Variants in ZNF16 observed in about 807,000 individuals in gnomAD.
ZNF16 encodes the protein zinc finger protein KOX9.
In ZNF16, 7 loss-of-function variants were observed where a neutral mutation model predicts 9.0. That is an observed-to-expected ratio of 0.78 (90% CI 0.44 to 1.47). The LOEUF is 1.47. Ranked by LOEUF, ZNF16 falls within the 40% of genes most tolerant of loss-of-function variation. ZNF16 has a pLI of 0.01. For synonymous variants in ZNF16, 312 were observed against 301.5 expected (o/e 1.03, Z -0.36); for missense variants, 830 against 854.2 (o/e 0.97, Z 0.35).
chr8:144,941,424 G>A (rs1414335539), intron 2 of ZNF16, among the ~76,000 whole-genome samples: 5 of 152,010 alleles, frequency 3.3e-5, no homozygotes, highest in Admixed American at 2.0e-4. Context: ...AACTTATTGT[G>A]TCTTTGAATC....
intron 2 of ZNF16, among the ~76,000 whole-genome samples, chr8:144,935,222 G>A (rs1312427633): frequency 6.6e-6 from 1 of 151,460 alleles, no homozygotes; most frequent in Non-Finnish European, 1.5e-5. Context: ...TTTTTTTGGA[G>A]ACAGAGTTTG....
At position 144,931,576 on chromosome 8, in the gene ZNF16, G is replaced by A. The variant is rs767065173; in HGVS notation, c.1211C>T (p.Pro404Leu). ...CTTGCCACAATCATTACACTCATAAGGCTTCTCTCCAGTGTGGACCCTCTG... is the reference window on the plus strand; with the variant it reads ...CTTGCCACAATCATTACACTCATAAAGCTTCTCTCCAGTGTGGACCCTCTG... Reference protein sequence around the residue: ...KHQRVHTGEKPYECNDCGKPF... With the variant: ...KHQRVHTGEKLYECNDCGKPF... Residue 404 changes from proline (P) to leucine (L), a missense_variant, in exon 3 of 3, where the codon CCT becomes CTT. Pro to Leu is a moderately conservative substitution (Grantham distance 98). Transcript: ENST00000394909. 19 of 1,614,026 alleles carry A rather than the reference G, an allele frequency of 1.2e-5. No individual in the cohort carries two copies. In the African/African-American group the frequency reaches 2.1e-4, roughly 18 times the overall value.
chr8:144,950,303 T>C (rs1478592291), intron 1 of ZNF16: 2 of 152,242 alleles, frequency 1.3e-5, no homozygotes, highest in Non-Finnish European at 2.9e-5. Context: ...CAGAGACCGG[T>C]GCCGGTGCAG....
intron 1 of ZNF16, 162 bp downstream of exon 1, chr8:144,950,635 C>G (rs954065900): frequency 6.6e-6 from 1 of 151,500 alleles, no homozygotes; most frequent in African/African-American, 2.4e-5. Flanking sequence ...CCCCGCCCCC[C>G]CCGCGCTCCC....
Position 144,932,658 on chromosome 8 carries a change from C to T in ZNF16, c.197-68G>A. The T allele has an allele frequency of 6.6e-7, 1 of 1,526,300 alleles. No individual in the cohort carries two copies. Among genetic ancestry groups the T allele is most frequent in the Non-Finnish European group, 8.9e-7 (1 of 1,125,758 alleles). 94.5% of individuals were successfully genotyped at this position (1,526,300 alleles called of 1,614,324 possible). ...GCAGGAGCAGGAACATAGACAGTCA[C>T]AGTTGCACCCACTAACTGTGGAGGA... On this transcript the variant is annotated intron_variant, in intron 2 of 2. Transcript: ENST00000394909. The surrounding 1 kb of genome is among the most constrained non-coding windows in gnomAD (Gnocchi z 5.0).
At position 144,931,014 on chromosome 8, in the gene ZNF16, G is replaced by C; in HGVS notation, c.1773C>G (p.His591Gln). The C allele has an allele frequency of 1.2e-6, 2 of 1,614,208 alleles. No individual in the cohort carries two copies. The highest frequency in any genetic ancestry group is 1.7e-6 in the Non-Finnish European group (2 of 1,180,036). The change falls in exon 3 of 3, where the codon CAC becomes CAG. Residue 591 changes from histidine to glutamine, a missense_variant. Coordinates refer to ENST00000394909, the MANE Select transcript of ZNF16 (RefSeq NM_006958.3). ...AFNRSSNLIHHQKVHTGEKPY... is the reference protein window; with the variant it reads ...AFNRSSNLIHQQKVHTGEKPY... ...GTTTTTCCCCAGTATGAACTTTCTG[G>C]TGGTGAATGAGATTTGAGCTTCGGT...
intron 1 of ZNF16, among the ~76,000 whole-genome samples, chr8:144,949,900 G>A (rs115925554): frequency 0.031 from 4,644 of 152,246 alleles, 158 homozygotes; most frequent in African/African-American, 0.081. Flanking sequence ...GAGGTGGATT[G>A]GTAAAAGAGA....
Position 144,932,768 on chromosome 8 carries a change from G to A in ZNF16, c.197-178C>T, listed in dbSNP as rs1027657454. Among the ~76,000 whole-genome samples the A allele has an allele frequency of 1.3e-5, 2 of 152,244 alleles. No homozygotes were observed. Among genetic ancestry groups the A allele is most frequent in the Middle Eastern group, 6.8e-3 (2 of 294 alleles). On this transcript the variant is annotated intron_variant, in intron 2 of 2. Transcript: ENST00000394909. The surrounding 1 kb of genome is among the most constrained non-coding windows in gnomAD (Gnocchi z 5.0). ...GGTGGGAGGAGCACTGGGTGATTAG[G>A]CTGCATGGGGCTGCAGATGAGTGAG...
intron 2 of ZNF16, among the ~76,000 whole-genome samples, chr8:144,939,595 C>CAAAAA (rs58274217): frequency 3.5e-5 from 2 of 57,408 alleles, no homozygotes; most frequent in African/African-American, 6.0e-5. Flanking sequence ...GACTCCGTCT[C>CAAAAA]AAAAAAAAAA....
chr8:144,930,578 AG>A lies in ZNF16; in HGVS notation c.*159del, dbSNP rs1426811105. On this transcript the variant is annotated 3_prime_UTR_variant, in exon 3 of 3. Transcript: ENST00000394909. ...GTGGCAGTGAGAAGGGAGCCTGTAA[AG>A]GATGTTTCAAAGGAGGGTCCCAGGC... The A allele has an allele frequency of 1.4e-6, 1 of 723,224 alleles. No individual in the cohort carries two copies. Among genetic ancestry groups the A allele is most frequent in the African/African-American group, 1.7e-5 (1 of 57,188 alleles). 44.8% of individuals were successfully genotyped at this position (723,224 alleles called of 1,614,324 possible). A position where few individuals can be genotyped will look rare whatever the true frequency, so the allele number is the denominator to read the frequency against.
rs74509128 is a variant in ZNF16 at position 144,947,547 on chromosome 8, A to G, written c.-9-1332T>C. On this transcript the variant is annotated intron_variant, in intron 1 of 2. Transcript: ENST00000394909. ...AGCCTGTGCTGCAGCCCCACATGTC[A>G]TCATTATGTGTCAACGCCTACCAAA... 6.9e-4 allele frequency among the ~76,000 whole-genome samples: 105 copies of G among 152,274 alleles called. 1 individual carries two copies. The East Asian group carries it at 0.019, about 27-fold the overall frequency.
At position 144,930,802 on chromosome 8, in the gene ZNF16, C is replaced by A; in HGVS notation, c.1985G>T (p.Cys662Phe). 1 of 1,554,188 alleles carries A rather than the reference C, an allele frequency of 6.4e-7. No homozygotes were observed. The highest frequency in any genetic ancestry group is 1.3e-5 in the South Asian group (1 of 79,794). The change falls in exon 3 of 3, where the codon TGT becomes TTT. Residue 662 changes from cysteine to phenylalanine, a missense_variant. Coordinates refer to ENST00000394909, the MANE Select transcript of ZNF16 (RefSeq NM_006958.3). ...TGATCGCTGGCTGAAGGCTTTCCCA[C>A]AAGCAGCACAGTCATAGGGCTTCAC... is the stretch of plus-strand genomic sequence containing the variant. Reference protein sequence around the residue: ...TGVKPYDCAACGKAFSQRSKL... With the variant: ...TGVKPYDCAAFGKAFSQRSKL...
At chr8:144,950,314 G>A (rs1490192007) in intron 1 of ZNF16, 2 of 152,208 alleles carry the variant, frequency 1.3e-5, no homozygotes, top group Admixed American at 6.5e-5. Flanking sequence ...GCCGGTGCAG[G>A]TCCTTAGTGT....
At chr8:144,946,635 GTCCTGCTGTTGGGCCTGTGTCCTACTGT>G (rs1563925767) in intron 1 of ZNF16, among the ~76,000 whole-genome samples, 2 of 116,554 alleles carry the variant, frequency 1.7e-5, no homozygotes, top group African/African-American at 7.2e-5. Flanking sequence ...TTGGGCCTGT[GTCCTGCTGTTGGGCCTGTGTCCTACTGT>G]GGGCCTGTAC....
intron 2 of ZNF16, among the ~76,000 whole-genome samples, chr8:144,939,595 CAAAAAAAAA>C (rs58274217): frequency 1.9e-4 from 11 of 57,412 alleles, no homozygotes; most frequent in East Asian, 5.6e-4. Context: ...GACTCCGTCT[CAAAAAAAAA>C]AAAAAAAAAA....
intron 1 of ZNF16, among the ~76,000 whole-genome samples, chr8:144,946,687 A>G (rs1188181916): frequency 2.5e-4 from 23 of 92,104 alleles, no homozygotes; most frequent in African/African-American, 7.4e-4. Flanking sequence ...ACTGTGGGCC[A>G]TACCCTGCTG....
Position 144,930,773 on chromosome 8 carries a change from A to G in ZNF16, c.2014T>C (p.Leu672=), listed in dbSNP as rs1833504206. 6.5e-7 allele frequency: 1 copy of G among 1,540,606 alleles called. No homozygotes were observed. The change falls in exon 3 of 3, where the codon TTG becomes CTG. Residue 672 remains leucine (L), a synonymous_variant. Coordinates refer to ENST00000394909, the MANE Select transcript of ZNF16 (RefSeq NM_006958.3). Reference sequence around the variant, plus strand: ...GTGTGAATCAACTGGTGTTTGATCAACTTTGATCGCTGGCTGAAGGCTTTC... The same window carrying G: ...GTGTGAATCAACTGGTGTTTGATCAGCTTTGATCGCTGGCTGAAGGCTTTC... ...CGKAFSQRSK[L]IKHQLIHTRE
chr8:144,931,861 T>C lies in ZNF16; in HGVS notation c.926A>G (p.Lys309Arg). The change falls in exon 3 of 3, where the codon AAA (lysine) becomes AGA (arginine). Residue 309 changes from lysine (K) to arginine (R), a missense_variant. Lys to Arg is a conservative substitution (Grantham distance 26). Coordinates refer to ENST00000394909, the MANE Select transcript of ZNF16 (RefSeq NM_006958.3). The part of the protein sequence containing the change: ...GKAFSQNSSL[K>R]KHQKSHMSEK... Reference sequence around the variant, plus strand: ...ACTCATGTGAGACTTTTGGTGCTTTTTAAGGCTCGAGTTCTGGCTGAAGGC... The same window carrying C: ...ACTCATGTGAGACTTTTGGTGCTTTCTAAGGCTCGAGTTCTGGCTGAAGGC... 6.2e-7 allele frequency: 1 copy of C among 1,614,106 alleles called. No homozygotes were observed. Among genetic ancestry groups the C allele is most frequent in the Non-Finnish European group, 8.5e-7 (1 of 1,180,004 alleles).
At chr8:144,942,053 T>A (rs1397973706) in intron 2 of ZNF16, among the ~76,000 whole-genome samples, 5 of 131,784 alleles carry the variant, frequency 3.8e-5, no homozygotes, top group Non-Finnish European at 8.2e-5. Context: ...TCTTGGCTCA[T>A]TGCAAGCTCC....
Sources: allele counts gnomAD v4.1 joint callset (sites outside exome capture counted in the v4.1 genomes callset), GRCh38; gene constraint gnomAD v4.1.1; non-coding constraint Gnocchi (gnomAD v3.1); transcripts MANE v1.5; gene names NCBI Gene and HGNC (gene_info 2026-07-23, HGNC 2026-07-21).